LDLRAD4: variants seen among roughly 807,000 people sequenced by gnomAD.
LDLRAD4 encodes the protein low density lipoprotein receptor class A domain containing 4.
Under a neutral mutation model 17.0 loss-of-function variants are expected in LDLRAD4, and 5 were observed. The observed-to-expected ratio is 0.29, with a 90% CI of 0.15 to 0.62. LDLRAD4 has a LOEUF of 0.62. Ranked by LOEUF, LDLRAD4 falls within the 20% of genes least tolerant of loss-of-function variation. LDLRAD4 has a pLI of 0.84. For missense variants in LDLRAD4, 340 were observed against 424.7 expected, an observed-to-expected ratio of 0.80 and a Z score of 1.75; for synonymous variants, 168 against 171.8, an observed-to-expected ratio of 0.98 and a Z score of 0.17.
intron 3 of LDLRAD4, among the ~76,000 whole-genome samples, chr18:13,443,218 C>T (rs1048399190): frequency 6.6e-6 from 1 of 152,082 alleles, no homozygotes; most frequent in African/African-American, 2.4e-5. Context: ...ATTTTACTTC[C>T]GAAACCAGCT....
intron 2 of LDLRAD4, among the ~76,000 whole-genome samples, chr18:13,430,504 C>T (rs1226460124): frequency 1.3e-5 from 2 of 152,004 alleles, no homozygotes; most frequent in African/African-American, 4.8e-5. Flanking sequence ...GATGCCTTGG[C>T]GCCCAAAGTC....
intron 3 of LDLRAD4, among the ~76,000 whole-genome samples, chr18:13,567,160 G>T (rs2094614502): frequency 6.6e-6 from 1 of 152,196 alleles, no homozygotes; most frequent in South Asian, 2.1e-4. Flanking sequence ...ATTTCCCCCT[G>T]CCTCCCAGCT....
intron 1 of LDLRAD4, among the ~76,000 whole-genome samples, chr18:13,231,614 AT>A (rs1424369702): frequency 2.0e-5 from 3 of 152,218 alleles, no homozygotes; most frequent in Non-Finnish European, 2.9e-5. Context: ...ATTTGTTTAC[AT>A]TTCACAAAAC....
Position 13,367,539 on chromosome 18 carries a change from G to A in LDLRAD4, c.-382-19802G>A, listed in dbSNP as rs765053806. Among the ~76,000 whole-genome samples, 2 of 152,186 alleles carry A rather than the reference G, an allele frequency of 1.3e-5. No homozygotes were observed. The highest frequency in any genetic ancestry group is 2.9e-5 in the Non-Finnish European group (2 of 68,044). On this transcript the variant is annotated intron_variant, in intron 1 of 5. Coordinates refer to ENST00000359446, the Ensembl canonical transcript of LDLRAD4. This position sits in a 1 kb window ranked among gnomAD's most constrained non-coding sequence, Gnocchi z 4.1. ...CCGTCCAGGCGGAGAGCCAGGGCCC[G>A]GGTGCTGCAGCAAGGCGGCTGTGGC...
At chr18:13,318,792 C>T (rs1363485124) in intron 1 of LDLRAD4, among the ~76,000 whole-genome samples, 3 of 152,166 alleles carry the variant, frequency 2.0e-5, no homozygotes, top group Non-Finnish European at 4.4e-5. Context: ...AGGCAGGACC[C>T]TGGGTGATGG....
At chr18:13,386,800 C>G (rs888027149) in intron 1 of LDLRAD4, among the ~76,000 whole-genome samples, 2 of 152,110 alleles carry the variant, frequency 1.3e-5, no homozygotes, top group Non-Finnish European at 2.9e-5. Context: ...GCCTATAATC[C>G]TAGCACTTTG....
intron 4 of LDLRAD4, among the ~76,000 whole-genome samples, chr18:13,628,380 C>T (rs1659908056): frequency 6.6e-6 from 1 of 152,232 alleles, no homozygotes; most frequent in Admixed American, 6.5e-5. Context: ...CCCTGCTGCA[C>T]CACAGACCAG....
chr18:13,300,898 C>T lies in LDLRAD4; in HGVS notation c.-383+22710C>T, dbSNP rs150481880. ...ACTGGGAGCCGGCAGCGCGTCCCAG[C>T]GCTGAACCCGTGGCACCTGGCTGCT... On this transcript the variant is annotated intron_variant, in intron 1 of 5. Transcript: ENST00000359446. The surrounding 1 kb of genome is among the most constrained non-coding windows in gnomAD (Gnocchi z 4.2). Among the ~76,000 whole-genome samples the T allele has an allele frequency of 2.0e-5, 3 of 152,346 alleles. No homozygotes were observed. The highest frequency in any genetic ancestry group is 1.9e-4 in the East Asian group (1 of 5,174).
intron 1 of LDLRAD4, among the ~76,000 whole-genome samples, chr18:13,243,242 A>G (rs2042757428): frequency 6.6e-6 from 1 of 152,150 alleles, no homozygotes; most frequent in South Asian, 2.1e-4. Context: ...AGAGCCAAGG[A>G]GCTGAGTTGT....
At chr18:13,265,622 G>A (rs2044172962) in intron 1 of LDLRAD4, among the ~76,000 whole-genome samples, 1 of 152,220 alleles carries the variant, frequency 6.6e-6, no homozygotes, top group Admixed American at 6.5e-5. Context: ...CTGACTCACT[G>A]AGAAAGATGG....
At chr18:13,533,098 A>G (rs1417726092) in intron 3 of LDLRAD4, among the ~76,000 whole-genome samples, 3 of 152,206 alleles carry the variant, frequency 2.0e-5, no homozygotes, top group African/African-American at 4.8e-5. Flanking sequence ...CTGAGCACCT[A>G]CTGTGTGTCA....
chr18:13,249,334 G>C (rs2043119563), intron 1 of LDLRAD4, among the ~76,000 whole-genome samples: 1 of 152,154 alleles, frequency 6.6e-6, no homozygotes, highest in African/African-American at 2.4e-5. Flanking sequence ...ATACTGTTCT[G>C]TAGTGACTGT....
chr18:13,301,197 C>T (rs374032648), intron 1 of LDLRAD4, among the ~76,000 whole-genome samples: 77 of 152,288 alleles, frequency 5.1e-4, no homozygotes, highest in Non-Finnish European at 4.0e-4. Flanking sequence ...GTGCTGGAGA[C>T]GCCAGTGGTC....
intron 3 of LDLRAD4, among the ~76,000 whole-genome samples, chr18:13,561,082 C>G (rs1284437): frequency 0.16 from 24,878 of 152,106 alleles, 2,574 homozygotes; most frequent in Middle Eastern, 0.38. Flanking sequence ...CTTGGCCTTA[C>G]AGGTATGTAA....
In LDLRAD4 at chr18:13,577,490, A is replaced by G. The variant is rs2094791950; in HGVS notation, c.182-43627A>G. Among the ~76,000 whole-genome samples, 3 of 152,310 alleles carry G rather than the reference A, an allele frequency of 2.0e-5. No individual in the cohort carries two copies. The South Asian group carries it at 6.2e-4, about 32-fold the overall frequency. On this transcript the variant is annotated intron_variant, in intron 3 of 5. Coordinates refer to ENST00000359446, the Ensembl canonical transcript of LDLRAD4. ...ATGTGGGCAGAGTGAGTTATGACTC[A>G]GTCTATTGTAATTAGAAAAAAGAGC...
In LDLRAD4 at chr18:13,550,336, T is replaced by C. The variant is rs570273833; in HGVS notation, c.182-70781T>C. ...CATTCACAGAATTGTTTCATTTCTGTGGAGGGAAAGCTAGCATAGGAAAAA... is the reference window on the plus strand; with the variant it reads ...CATTCACAGAATTGTTTCATTTCTGCGGAGGGAAAGCTAGCATAGGAAAAA... On this transcript the variant is annotated intron_variant, in intron 3 of 5. Transcript: ENST00000359446. Among the ~76,000 whole-genome samples, 8 of 152,272 alleles carry C rather than the reference T, an allele frequency of 5.3e-5. No individual in the cohort carries two copies. The South Asian group carries it at 6.2e-4, about 12-fold the overall frequency.
chr18:13,312,084 C>T (rs1031197005), intron 1 of LDLRAD4, among the ~76,000 whole-genome samples: 1 of 152,108 alleles, frequency 6.6e-6, no homozygotes, highest in Non-Finnish European at 1.5e-5. Context: ...ATCCGCCCGC[C>T]TCGGCCTCCC....
intron 1 of LDLRAD4, among the ~76,000 whole-genome samples, chr18:13,361,858 G>T (rs969749282): frequency 1.3e-5 from 2 of 152,120 alleles, no homozygotes; most frequent in Non-Finnish European, 2.9e-5. Context: ...GTAGAGCGAC[G>T]CATGACTGCT....
chr18:13,532,528 A>G (rs1373394487), intron 3 of LDLRAD4, among the ~76,000 whole-genome samples: 1 of 152,080 alleles, frequency 6.6e-6, no homozygotes, highest in Non-Finnish European at 1.5e-5. Context: ...CTAAAGTGGG[A>G]GGGAGGCGGA....
Sources: gnomAD v4.1 joint callset for allele counts (sites outside exome capture counted in the v4.1 genomes callset) on GRCh38, gnomAD v4.1.1 for gene constraint, Gnocchi (gnomAD v3.1) non-coding constraint, MANE v1.5 for transcripts, NCBI Gene and HGNC (gene_info 2026-07-23, HGNC 2026-07-21) for gene names.